SLC9A4: variants seen among roughly 807,000 people sequenced by gnomAD.
The protein encoded by SLC9A4 is sodium/hydrogen exchanger 4.
SLC9A4 carries 63 observed loss-of-function variants against 67.4 expected under a neutral mutation model. The ratio of observed to expected loss-of-function variants is 0.93; its 90% CI spans 0.76 to 1.15. The LOEUF is 1.15. Ranked by LOEUF, SLC9A4 falls within the 50% of genes most tolerant of loss-of-function variation. SLC9A4 has a pLI of 0.00. For synonymous variants in SLC9A4, 393 were observed against 367.2 expected, an observed-to-expected ratio of 1.07 and a Z score of -0.80; for missense variants, 1,089 against 987.7, an observed-to-expected ratio of 1.10 and a Z score of -1.38.
chr2:102,480,906 G>A (rs1005512058), intron 2 of SLC9A4, among the ~76,000 whole-genome samples: 6 of 152,174 alleles, frequency 3.9e-5, no homozygotes, highest in East Asian at 3.9e-4. Context: ...GCTTGGGAAC[G>A]GAATGAACAA....
chr2:102,509,234 T>C (rs1251812107), intron 6 of SLC9A4, among the ~76,000 whole-genome samples: 1 of 152,240 alleles, frequency 6.6e-6, no homozygotes, highest in Admixed American at 6.5e-5. Context: ...TTCCAGAGGC[T>C]GCCTGTGTTC....
intron 6 of SLC9A4, among the ~76,000 whole-genome samples, chr2:102,509,880 T>A (rs140405518): frequency 1.6e-4 from 25 of 152,186 alleles, no homozygotes; most frequent in African/African-American, 5.5e-4. Flanking sequence ...GAGTCATCGA[T>A]ACTAAGCAAA....
At chr2:102,485,075 A>G (rs1684558333) in intron 2 of SLC9A4, among the ~76,000 whole-genome samples, 1 of 152,144 alleles carries the variant, frequency 6.6e-6, no homozygotes, top group African/African-American at 2.4e-5. Flanking sequence ...GATAGTACAC[A>G]GTGGTTAAGG....
intron 9 of SLC9A4, among the ~76,000 whole-genome samples, chr2:102,523,422 G>C (rs1043522600): frequency 6.6e-6 from 1 of 152,160 alleles, no homozygotes; most frequent in Non-Finnish European, 1.5e-5. Context: ...CGATGAAACC[G>C]ATGAGGATGC....
At chr2:102,509,390 A>G (rs996162537) in intron 6 of SLC9A4, among the ~76,000 whole-genome samples, 1 of 152,242 alleles carries the variant, frequency 6.6e-6, no homozygotes. Context: ...TCTCCAGCTT[A>G]AGGTCAGCTG....
At chr2:102,477,847 G>T (rs911766953) in intron 1 of SLC9A4, among the ~76,000 whole-genome samples, 1 of 152,114 alleles carries the variant, frequency 6.6e-6, no homozygotes, top group Admixed American at 6.5e-5. Flanking sequence ...GCCCTGTGGT[G>T]GTCTCCTGAG....
At chr2:102,501,793 A>C (rs1684946428) in intron 2 of SLC9A4, among the ~76,000 whole-genome samples, 1 of 151,848 alleles carries the variant, frequency 6.6e-6, no homozygotes, top group Admixed American at 6.6e-5. Flanking sequence ...CAGTGGTGAT[A>C]CTGATTGTCA....
At chr2:102,500,347 G>T (rs116394897) in intron 2 of SLC9A4, among the ~76,000 whole-genome samples, 1 of 152,202 alleles carries the variant, frequency 6.6e-6, no homozygotes, top group Admixed American at 6.5e-5. Flanking sequence ...GACATCTCGA[G>T]TCCAGACTCT....
chr2:102,524,287 G>A (rs1171970267), intron 9 of SLC9A4, among the ~76,000 whole-genome samples: 1 of 152,180 alleles, frequency 6.6e-6, no homozygotes, highest in South Asian at 2.1e-4. Flanking sequence ...GGCAAACTGA[G>A]CATTTGCTGG....
intron 2 of SLC9A4, among the ~76,000 whole-genome samples, chr2:102,498,544 A>C (rs1476783371): frequency 6.6e-6 from 1 of 152,242 alleles, no homozygotes; most frequent in Non-Finnish European, 1.5e-5. Flanking sequence ...ACTTAACCTC[A>C]TTCAGACTTT....
intron 6 of SLC9A4, among the ~76,000 whole-genome samples, 156 bp downstream of exon 6, chr2:102,509,089 CA>C (rs1432073572): frequency 2.0e-5 from 3 of 152,240 alleles, no homozygotes. Flanking sequence ...GAAATTGCCA[CA>C]AACTTAGTGC....
At chr2:102,497,173 T>A (rs150126383) in intron 2 of SLC9A4, among the ~76,000 whole-genome samples, 1 of 152,212 alleles carries the variant, frequency 6.6e-6, no homozygotes, top group Non-Finnish European at 1.5e-5. Context: ...CCTCAAGTGA[T>A]GCATCTGCCT....
chr2:102,523,465 A>C (rs920468766), intron 9 of SLC9A4, among the ~76,000 whole-genome samples: 1 of 152,224 alleles, frequency 6.6e-6, no homozygotes, highest in Non-Finnish European at 1.5e-5. Context: ...TGACCGTCTC[A>C]TGTATGGACT....
intron 2 of SLC9A4, among the ~76,000 whole-genome samples, chr2:102,493,280 C>G (rs1684741312): frequency 1.3e-5 from 2 of 151,938 alleles, no homozygotes; most frequent in Admixed American, 1.3e-4. Flanking sequence ...AGTAGTACCC[C>G]ACTCTACCTG....
chr2:102,478,928 G>A lies in SLC9A4; in HGVS notation c.346G>A (p.Gly116Ser), dbSNP rs17027275. Residue 116 changes from glycine (G) to serine (S), a missense_variant, in exon 2 of 12, where the codon GGC (glycine) becomes AGC (serine). Coordinates refer to ENST00000295269, the MANE Select transcript of SLC9A4 (RefSeq NM_001011552.4). ...GGCGCTGGTGGGCGGCATCATCTTCGGCACCGACCACAAATCGCCTCCGGT... is the reference window on the plus strand; with the variant it reads ...GGCGCTGGTGGGCGGCATCATCTTCAGCACCGACCACAAATCGCCTCCGGT... ...VGALVGGIIF[G>S]TDHKSPPVMD... The A allele has an allele frequency of 1.8e-3, 2,855 of 1,614,012 alleles. 37 individuals carry two copies. In the African/African-American group the frequency reaches 0.031, roughly 18 times the overall value.
chr2:102,474,413 G>A (rs1000652644), intron 1 of SLC9A4, among the ~76,000 whole-genome samples: 16 of 152,210 alleles, frequency 1.1e-4, no homozygotes, highest in African/African-American at 3.6e-4. Context: ...ATTCTTGGCT[G>A]TGTAATTGTG....
At chr2:102,485,258 T>A (rs1056158138) in intron 2 of SLC9A4, among the ~76,000 whole-genome samples, 1 of 152,206 alleles carries the variant, frequency 6.6e-6, no homozygotes, top group Non-Finnish European at 1.5e-5. Context: ...ATTCATTCAC[T>A]AGAGTTTATT....
At chr2:102,484,470 T>C (rs1684542457) in intron 2 of SLC9A4, among the ~76,000 whole-genome samples, 3 of 152,184 alleles carry the variant, frequency 2.0e-5, no homozygotes, top group African/African-American at 2.4e-5. Flanking sequence ...CTTCAGCTCA[T>C]AGGCTCACTG....
intron 6 of SLC9A4, among the ~76,000 whole-genome samples, chr2:102,510,186 G>A (rs973250018): frequency 6.8e-6 from 1 of 147,124 alleles, no homozygotes; most frequent in Non-Finnish European, 1.5e-5. Context: ...AGGATGGATG[G>A]ATATAGATAT....
Sources: allele counts gnomAD v4.1 joint callset (sites outside exome capture counted in the v4.1 genomes callset), GRCh38; gene constraint gnomAD v4.1.1; transcripts MANE v1.5; gene names NCBI Gene and HGNC (gene_info 2026-07-23, HGNC 2026-07-21).